LRRC24: variants seen among roughly 807,000 people sequenced by gnomAD.
LRRC24 encodes the protein leucine-rich repeat-containing protein 24.
LRRC24 carries 19 observed loss-of-function variants against 15.3 expected under a neutral mutation model. The observed-to-expected ratio is 1.25, with a 90% CI of 0.87 to 1.83. The LOEUF (loss-of-function observed/expected upper bound fraction) is 1.83. Ranked by LOEUF, LRRC24 falls within the 40% of genes most tolerant of loss-of-function variation. The pLI, the probability that LRRC24 is intolerant of heterozygous loss-of-function variation, is 0.00. For missense variants in LRRC24, 914 were observed against 723.9 expected (o/e 1.26, Z -3.01); for synonymous variants, 469 against 359.6 (o/e 1.30, Z -3.44).
chr8:144,525,168 T>C, intron 1 of LRRC24, 135 bp from the exon 2 acceptor site: 2 of 531,544 alleles, frequency 3.8e-6, no homozygotes, highest in Non-Finnish European at 5.9e-6. Flanking sequence ...GGTTTTCTCC[T>C]TTGACAAAAA....
chr8:144,523,866 C>G lies in LRRC24; in HGVS notation c.607+244G>C, dbSNP rs879840910. The G allele has an allele frequency of 4.6e-5, 25 of 548,478 alleles. No individual in the cohort carries two copies. The Admixed American group carries it at 7.4e-4, about 16-fold the overall frequency. The allele number at this position is 548,478 out of a possible 1,614,324, so 34.0% of individuals were successfully genotyped here. A position where few individuals can be genotyped will look rare whatever the true frequency, so the allele number is the denominator to read the frequency against. ...TGCCTCCCCTCAGCCTAAAAGTGTG[C>G]AGAACCCTCAATTCTGTTAAGTCAC... On this transcript the variant is annotated intron_variant, in intron 4 of 4. Coordinates refer to ENST00000529415, the MANE Select transcript of LRRC24 (RefSeq NM_001024678.4).
Position 144,522,768 on chromosome 8 carries a change from T to C in LRRC24, c.1249A>G (p.Thr417Ala). ...ATCATGGCGACCAGGAGCAGCGCCGTGAGCGCCAGCAGCGCGATGGCCGCC... is the reference window on the plus strand; with the variant it reads ...ATCATGGCGACCAGGAGCAGCGCCGCGAGCGCCAGCAGCGCGATGGCCGCC... Reference protein sequence around the residue: ...IAAAIALLALTALLLVAMICR... With the variant: ...IAAAIALLALAALLLVAMICR... Residue 417 changes from threonine to alanine, a missense_variant, in exon 5 of 5, where the codon ACG (threonine) becomes GCG (alanine). Thr to Ala is a moderately conservative substitution (Grantham distance 58). Transcript: ENST00000529415. The C allele has an allele frequency of 6.4e-7, 1 of 1,572,614 alleles. No individual in the cohort carries two copies. Among genetic ancestry groups the C allele is most frequent in the Non-Finnish European group, 8.6e-7 (1 of 1,162,460 alleles).
chr8:144,523,869 A>C, intron 4 of LRRC24: 3 of 553,148 alleles, frequency 5.4e-6, no homozygotes, highest in Non-Finnish European at 9.5e-6. Flanking sequence ...AAGTGTGCAG[A>C]ACCCTCAATT....
intron 3 of LRRC24, 61 bp downstream of exon 3, chr8:144,524,380 A>C: frequency 1.9e-6 from 3 of 1,593,884 alleles, no homozygotes; most frequent in Non-Finnish European, 2.5e-6. Context: ...TAACTATTCC[A>C]GCCCTACAGG....
Position 144,522,721 on chromosome 8 carries a change from TC to T in LRRC24, c.1295del (p.Arg432GlnfsTer28). 1 of 1,594,900 alleles carries T rather than the reference TC, an allele frequency of 6.3e-7. No homozygotes were observed. The highest frequency in any genetic ancestry group is 8.5e-7 in the Non-Finnish European group (1 of 1,171,928). On this transcript the variant is annotated frameshift_variant, in exon 5 of 5. Coordinates refer to ENST00000529415, the MANE Select transcript of LRRC24 (RefSeq NM_001024678.4). LOFTEE classifies it low-confidence loss of function (END_TRUNC). ...VAMICRRRRR[R>X]KKARGPPGEG... Reference sequence around the variant, plus strand: ...CCCCCGGAGGCCCCCGCGCCTTTTTTCGCCTGCGGCGCCGGCGACAGATCAT... The same window carrying T: ...CCCCCGGAGGCCCCCGCGCCTTTTTTGCCTGCGGCGCCGGCGACAGATCAT...
chr8:144,524,773 C>T (rs1363872855), intron 2 of LRRC24, 43 bp downstream of exon 2: 13 of 1,435,772 alleles, frequency 9.1e-6, no homozygotes, highest in Admixed American at 2.8e-5. Flanking sequence ...TCTTCCTCTC[C>T]CTGGGGGCAC....
intron 4 of LRRC24, 135 bp downstream of exon 4, chr8:144,523,975 G>T: frequency 9.6e-7 from 1 of 1,039,754 alleles, no homozygotes; most frequent in African/African-American, 1.6e-5. Flanking sequence ...CAGCCCTCCA[G>T]TGTGGCTGCA....
chr8:144,524,854 A>G lies in LRRC24; in HGVS notation c.121T>C (p.Leu41=). ...GGGATTCCCAGCGGGACGACGCGCAACCGCAGGGCGCCACACTCCACCGTG... is the reference window on the plus strand; with the variant it reads ...GGGATTCCCAGCGGGACGACGCGCAGCCGCAGGGCGCCACACTCCACCGTG... ...SATVECGALR[L]RVVPLGIPPG... Residue 41 remains leucine (L), a synonymous_variant, in exon 2 of 5, where the codon TTG becomes CTG. Transcript: ENST00000529415. 6.7e-7 allele frequency: 1 copy of G among 1,491,782 alleles called. No individual in the cohort carries two copies. The highest frequency in any genetic ancestry group is 8.9e-7 in the Non-Finnish European group (1 of 1,120,534). 92.4% of individuals were successfully genotyped at this position (1,491,782 alleles called of 1,614,324 possible). A position where few individuals can be genotyped will look rare whatever the true frequency, so the allele number is the denominator to read the frequency against.
Position 144,522,586 on chromosome 8 carries a change from CTTGGAGCGGT to C in LRRC24, c.1421_1430del (p.Asn474SerfsTer?). On this transcript the variant is annotated frameshift_variant, in exon 5 of 5. Coordinates refer to ENST00000529415, the MANE Select transcript of LRRC24 (RefSeq NM_001024678.4). LOFTEE classifies it low-confidence loss of function (END_TRUNC). ...CCGCCGGACCCTCGGCGAAGAGCGG[CTTGGAGCGGT>C]TGATGACGAACATCTCGTGGCCGCG... 6.4e-7 allele frequency: 1 copy of C among 1,562,172 alleles called. No individual in the cohort carries two copies. Among genetic ancestry groups the C allele is most frequent in the South Asian group, 1.2e-5 (1 of 85,198 alleles).
rs1586852881 is a variant in LRRC24, at chr8:144,522,509, A to G, written c.1508T>C (p.Val503Ala). The change falls in exon 5 of 5, where the codon GTG becomes GCG. Residue 503 changes from valine (V) to alanine (A), a missense_variant. Physicochemically the swap from Val to Ala is moderately conservative, Grantham distance 64. Transcript: ENST00000529415. ...GATCTCGTAGGCGACCGGCGGGGGC[A>G]CGCGGAGTCCCGGCCCCGCCCCCTG... ...PEQGAGPGLR[V>A]PPPVAYEIHC 6.0e-6 allele frequency: 9 copies of G among 1,497,610 alleles called. 1 individual carries two copies. The East Asian group carries it at 2.5e-4, about 41-fold the overall frequency. The allele number at this position is 1,497,610 out of a possible 1,614,324, so 92.8% of individuals were successfully genotyped here. A position where few individuals can be genotyped will look rare whatever the true frequency, so the allele number is the denominator to read the frequency against.
chr8:144,525,246 G>C (rs1816321218), intron 1 of LRRC24: 2 of 321,562 alleles, frequency 6.2e-6, no homozygotes, highest in East Asian at 5.0e-5. Flanking sequence ...TGTCTTCACA[G>C]GATGTGACCA....
chr8:144,523,578 G>T, intron 4 of LRRC24, 169 bp from the exon 5 acceptor site: 2 of 1,108,984 alleles, frequency 1.8e-6, no homozygotes, highest in Non-Finnish European at 2.4e-6. Flanking sequence ...CCTTGGGGCG[G>T]CAGGCCCTTC....
rs1304103658 is a variant in LRRC24 at position 144,522,852 on chromosome 8, G to A, written c.1165C>T (p.Pro389Ser). The A allele has an allele frequency of 9.3e-6, 12 of 1,284,548 alleles. No individual in the cohort carries two copies. The highest frequency in any genetic ancestry group is 1.1e-5 in the Non-Finnish European group (11 of 1,022,672). 79.6% of individuals were successfully genotyped at this position (1,284,548 alleles called of 1,614,324 possible). A position where few individuals can be genotyped will look rare whatever the true frequency, so the allele number is the denominator to read the frequency against. Residue 389 changes from proline to serine, a missense_variant, in exon 5 of 5, where the codon CCC becomes TCC. By Grantham distance (74) the Pro-to-Ser change is moderately conservative. Coordinates refer to ENST00000529415, the MANE Select transcript of LRRC24 (RefSeq NM_001024678.4). ...AARPAGSEPR[P>S]EAGSMAFRAL... is the part of the protein sequence containing the mutation. Reference sequence around the variant, plus strand: ...CGGAAGGCCATGCTGCCCGCCTCGGGCCGGGGCTCGCTGCCGGCGGGGCGG... The same window carrying A: ...CGGAAGGCCATGCTGCCCGCCTCGGACCGGGGCTCGCTGCCGGCGGGGCGG...
chr8:144,524,385 T>G (rs1318612135), intron 3 of LRRC24, 56 bp downstream of exon 3: 6 of 1,593,964 alleles, frequency 3.8e-6, no homozygotes, highest in Admixed American at 1.7e-5. Flanking sequence ...ATTCCAGCCC[T>G]ACAGGGCGAG....
Position 144,524,536 on chromosome 8 carries a change from T to A in LRRC24, c.343A>T (p.Ser115Cys). ...LTSNRLRGLR[S>C]GAFVGLAQLR... ...TGGGCCAGGCCTACGAAGGCGCCGC[T>A]GCGCAAGCCGCGCAGCCGGTTGCTA... The change falls in exon 3 of 5, where the codon AGC becomes TGC. Residue 115 changes from serine (S) to cysteine (C), a missense_variant. Ser to Cys is a moderately radical substitution (Grantham distance 112). Coordinates refer to ENST00000529415, the MANE Select transcript of LRRC24 (RefSeq NM_001024678.4). 2.5e-6 allele frequency: 4 copies of A among 1,585,310 alleles called. No homozygotes were observed. Among genetic ancestry groups the A allele is most frequent in the Non-Finnish European group, 3.4e-6 (4 of 1,174,594 alleles).
intron 4 of LRRC24, 181 bp downstream of exon 4, chr8:144,523,929 G>A (rs890234097): frequency 5.8e-6 from 4 of 694,724 alleles, no homozygotes; most frequent in African/African-American, 5.3e-5. Context: ...CCCAGGCAGG[G>A]TGCCTGAGCT....
intron 1 of LRRC24, 30 bp from the exon 2 acceptor site, chr8:144,525,063 G>A: frequency 7.5e-7 from 1 of 1,337,402 alleles, no homozygotes; most frequent in Non-Finnish European, 9.6e-7. Flanking sequence ...GCCAGTCTCG[G>A]CAGTCGAGAG....
Position 144,522,739 on chromosome 8 carries a change from A to G in LRRC24, c.1278T>C (p.Cys426=). ...LTALLLVAMI[C]RRRRRRKKAR... The stretch of plus-strand genomic sequence containing the variant: ...CCTTTTTTCGCCTGCGGCGCCGGCG[A>G]CAGATCATGGCGACCAGGAGCAGCG... Residue 426 remains cysteine, a synonymous_variant, in exon 5 of 5, where the codon TGT becomes TGC. Coordinates refer to ENST00000529415, the MANE Select transcript of LRRC24 (RefSeq NM_001024678.4). 5.0e-6 allele frequency: 8 copies of G among 1,590,178 alleles called. No homozygotes were observed. The highest frequency in any genetic ancestry group is 6.8e-6 in the Non-Finnish European group (8 of 1,170,148).
chr8:144,522,496 G>A lies in LRRC24; in HGVS notation c.1521C>T (p.Val507=). ...AGPGLRVPPP[V]AYEIHC ...GGCCCTAGCAGTGGATCTCGTAGGC[G>A]ACCGGCGGGGGCACGCGGAGTCCCG... The change falls in exon 5 of 5, where the codon GTC becomes GTT. Residue 507 remains valine, a synonymous_variant. Coordinates refer to ENST00000529415, the MANE Select transcript of LRRC24 (RefSeq NM_001024678.4). 1 of 1,495,848 alleles carries A rather than the reference G, an allele frequency of 6.7e-7. No homozygotes were observed. The highest frequency in any genetic ancestry group is 8.9e-7 in the Non-Finnish European group (1 of 1,129,060). The allele number at this position is 1,495,848 out of a possible 1,614,324, so 92.7% of individuals were successfully genotyped here.
Sources: allele counts gnomAD v4.1 joint callset, GRCh38; gene constraint gnomAD v4.1.1; transcripts MANE v1.5; gene names NCBI Gene and HGNC (gene_info 2026-07-23, HGNC 2026-07-21).